BEND3: variants seen among roughly 807,000 people sequenced by gnomAD.
BEND3 encodes BEN domain-containing protein 3.
BEND3 carries 13 observed loss-of-function variants against 60.1 expected under a neutral mutation model. That is an observed-to-expected ratio of 0.22 (90% confidence interval 0.14 to 0.34). BEND3 has a LOEUF of 0.34. Ranked by LOEUF, BEND3 falls within the 10% of genes least tolerant of loss-of-function variation. The pLI is 1.00. For missense variants in BEND3, 896 were observed against 1,138.1 expected (o/e 0.79, Z 3.06); for synonymous variants, 497 against 491.5 (o/e 1.01, Z -0.15).
At chr6:107,082,654 C>T (rs1775257919) in intron 3 of BEND3, among the ~76,000 whole-genome samples, 1 of 152,134 alleles carries the variant, frequency 6.6e-6, no homozygotes, top group African/African-American at 2.4e-5. Flanking sequence ...GTCTGGAACT[C>T]CTGACCTCAG....
chr6:107,104,379 T>A (rs1582670763), intron 1 of BEND3, among the ~76,000 whole-genome samples: 1 of 152,022 alleles, frequency 6.6e-6, no homozygotes. Context: ...CTTTTTAGTG[T>A]TCATTTTAAG....
At chr6:107,100,056 T>G (rs1319538250) in intron 1 of BEND3, among the ~76,000 whole-genome samples, 17 of 152,136 alleles carry the variant, frequency 1.1e-4, no homozygotes, top group African/African-American at 4.1e-4. Flanking sequence ...AATTTTTTTG[T>G]AGAGATGCGG....
chr6:107,077,322 T>C (rs1554232886), intron 3 of BEND3, among the ~76,000 whole-genome samples: 3 of 152,160 alleles, frequency 2.0e-5, no homozygotes, highest in Non-Finnish European at 4.4e-5. Flanking sequence ...CTAAGTTGCC[T>C]ATGTTCACAG....
At chr6:107,078,567 G>T (rs1347694043) in intron 3 of BEND3, among the ~76,000 whole-genome samples, 12 of 8,732 alleles carry the variant, frequency 1.4e-3, no homozygotes, top group African/African-American at 5.2e-3. Flanking sequence ...CCATTCTCCT[G>T]CCTCAGCCTC....
chr6:107,107,967 G>C (rs1421715081), intron 1 of BEND3, among the ~76,000 whole-genome samples: 3 of 152,184 alleles, frequency 2.0e-5, no homozygotes, highest in African/African-American at 7.2e-5. Flanking sequence ...GGGTTCACAG[G>C]ACCGGCTGGG....
At chr6:107,085,275 G>T (rs1298450775) in intron 3 of BEND3, among the ~76,000 whole-genome samples, 2 of 152,122 alleles carry the variant, frequency 1.3e-5, no homozygotes, top group African/African-American at 4.8e-5. Flanking sequence ...CTCACTGTGA[G>T]GGTCCACGGC....
chr6:107,114,894 C>T (rs1280657714), intron 1 of BEND3, among the ~76,000 whole-genome samples, 196 bp downstream of exon 1: 13 of 149,206 alleles, frequency 8.7e-5, no homozygotes, highest in Admixed American at 2.7e-4. Context: ...GCCCGGCGCC[C>T]GCTCCGGTCG....
intron 3 of BEND3, among the ~76,000 whole-genome samples, chr6:107,097,701 A>G (rs782336803): frequency 5.4e-5 from 8 of 148,046 alleles, no homozygotes; most frequent in Non-Finnish European, 1.2e-4. Flanking sequence ...GAGGTAGGAG[A>G]ATCGCTTGAA....
intron 3 of BEND3, among the ~76,000 whole-genome samples, chr6:107,096,752 G>A (rs1322056921): frequency 6.6e-6 from 1 of 152,214 alleles, no homozygotes; most frequent in Non-Finnish European, 1.5e-5. Flanking sequence ...CTCTTTGTAA[G>A]GTTATAAAAA....
intron 3 of BEND3, among the ~76,000 whole-genome samples, chr6:107,096,140 A>G (rs183996695): frequency 5.9e-5 from 9 of 152,340 alleles, no homozygotes; most frequent in African/African-American, 1.9e-4. Context: ...GTAAGGAAGT[A>G]TATGGGAAAT....
At chr6:107,088,009 T>C (rs1300369550) in intron 3 of BEND3, among the ~76,000 whole-genome samples, 4 of 142,576 alleles carry the variant, frequency 2.8e-5, no homozygotes, top group African/African-American at 1.0e-4. Flanking sequence ...GAAGAGCCCT[T>C]TTTTTTTTTT....
intron 3 of BEND3, 54 bp from the exon 4 acceptor site, chr6:107,071,004 C>T: frequency 6.6e-7 from 1 of 1,515,548 alleles, no homozygotes. Flanking sequence ...TGGTTTATGA[C>T]ACTAAACAAG....
intron 3 of BEND3, among the ~76,000 whole-genome samples, chr6:107,086,783 T>C (rs1001525366): frequency 1.4e-5 from 2 of 146,968 alleles, no homozygotes; most frequent in South Asian, 4.4e-4. Flanking sequence ...TCCCAGCACT[T>C]TGGGAGGCCG....
At chr6:107,110,436 G>A (rs1209719720) in intron 1 of BEND3, among the ~76,000 whole-genome samples, 1 of 152,166 alleles carries the variant, frequency 6.6e-6, no homozygotes, top group African/African-American at 2.4e-5. Flanking sequence ...GATGTTGCAA[G>A]AAATACTGAC....
In BEND3 at chr6:107,068,824, C is replaced by T. The variant is rs201417127; in HGVS notation, c.2367G>A (p.Pro789=). The T allele has an allele frequency of 1.1e-5, 18 of 1,614,102 alleles. No homozygotes were observed. In the African/African-American group the frequency reaches 1.3e-4, roughly 12 times the overall value. ...GCCACACCTCCTCCATCTTCTCCAC[C>T]GGGTAGACGGCTTCCACGTAGTGGC... ...LIRHYVEAVY[P]VEKMEEVWHY... Residue 789 remains proline (P), a synonymous_variant, in exon 4 of 4, where the codon CCG becomes CCA. Coordinates refer to ENST00000369042, the MANE Select transcript of BEND3 (RefSeq NM_001367314.1). This position sits in a 1 kb window ranked among gnomAD's most constrained non-coding sequence, Gnocchi z 5.8.
intron 3 of BEND3, among the ~76,000 whole-genome samples, chr6:107,080,947 C>T (rs781827527): frequency 1.2e-4 from 18 of 152,080 alleles, no homozygotes; most frequent in Non-Finnish European, 2.5e-4. Context: ...CTGGCACATA[C>T]ATCAGCTTAT....
Position 107,087,969 on chromosome 6 carries a change from TA to T in BEND3, c.240+10581del, listed in dbSNP as rs71012767. Among the ~76,000 whole-genome samples the T allele has an allele frequency of 1.6e-3, 195 of 121,626 alleles. 1 individual carries two copies. Among genetic ancestry groups the T allele is most frequent in the Non-Finnish European group, 2.4e-3 (146 of 61,498 alleles). The allele number at this position is 121,626 out of a possible 152,430, so 79.8% of individuals were successfully genotyped here. A position where few individuals can be genotyped will look rare whatever the true frequency, so the allele number is the denominator to read the frequency against. The stretch of plus-strand genomic sequence containing the variant: ...AACAATAAAAAAGAAAGGCTAGTGA[TA>T]AAAAAAAAAAAAACACTGTAATAGA... On this transcript the variant is annotated intron_variant, in intron 3 of 3. Transcript: ENST00000369042.
intron 3 of BEND3, among the ~76,000 whole-genome samples, chr6:107,085,164 C>G (rs915045832): frequency 2.2e-4 from 34 of 152,318 alleles, no homozygotes; most frequent in African/African-American, 6.5e-4. Context: ...GGCTTCACTC[C>G]TGAAGTCAGC....
chr6:107,071,492 A>G (rs1398757036), intron 3 of BEND3, among the ~76,000 whole-genome samples: 1 of 152,120 alleles, frequency 6.6e-6, no homozygotes, highest in Non-Finnish European at 1.5e-5. Flanking sequence ...TCTGGGATGC[A>G]TGGTCGGGGC....
Sources: gnomAD v4.1 joint callset for allele counts (sites outside exome capture counted in the v4.1 genomes callset) on GRCh38, gnomAD v4.1.1 for gene constraint, Gnocchi (gnomAD v3.1) non-coding constraint, MANE v1.5 for transcripts, NCBI Gene and HGNC (gene_info 2026-07-23, HGNC 2026-07-21) for gene names.